REN: variants seen among roughly 807,000 people sequenced by gnomAD.
The protein encoded by REN is angiotensin-forming enzyme.
REN carries 42 observed loss-of-function variants against 48.6 expected under a neutral mutation model. The ratio of observed to expected loss-of-function variants is 0.86; its 90% CI spans 0.68 to 1.12. REN has a LOEUF of 1.12. REN is among the 50% of genes most tolerant of loss of function. The probability of loss-of-function intolerance (pLI) is 0.00; values close to 1 mark genes in which losing one functional copy is unlikely to be tolerated. For missense variants in REN, 443 were observed against 527.3 expected, an observed-to-expected ratio of 0.84 and a Z score of 1.57; for synonymous variants, 196 against 204.6, an observed-to-expected ratio of 0.96 and a Z score of 0.36.
Position 204,155,035 on chromosome 1 carries a change from C to T in REN, c.1202G>A (p.Gly401Asp). The change falls in exon 10 of 10, where the codon GGC (glycine) becomes GAC (aspartate). Residue 401 changes from glycine to aspartate, a missense_variant. Gly to Asp is a moderately conservative substitution (Grantham distance 94, BLOSUM62 -1). Coordinates refer to ENST00000272190, the MANE Select transcript of REN (RefSeq NM_000537.4). ...AGGGCCTCAGCGGGCCAAGGCGAAG[C>T]CAATGCGGTTGTTACGCCGATCAAA... The part of the protein sequence containing the change: ...TEFDRRNNRI[G>D]FALAR 6.2e-7 allele frequency: 1 copy of T among 1,614,080 alleles called. No homozygotes were observed. The highest frequency in any genetic ancestry group is 2.2e-5 in the East Asian group (1 of 44,884).
chr1:204,164,891 C>T (rs1658317053), intron 1 of REN, among the ~76,000 whole-genome samples: 1 of 152,040 alleles, frequency 6.6e-6, no homozygotes, highest in African/African-American at 2.4e-5. Flanking sequence ...TAATGAATCA[C>T]TTGTTCCCAC....
At chr1:204,160,787 T>C in intron 3 of REN, 109 bp from the exon 4 acceptor site, 1 of 822,600 alleles carries the variant, frequency 1.2e-6, no homozygotes, top group East Asian at 2.4e-5. Flanking sequence ...CAGGGATGAG[T>C]GGCCCTAGGG....
At position 204,156,431 on chromosome 1, in the gene REN, TG is replaced by T. The variant is rs1571644848; in HGVS notation, c.819-113del. The T allele has an allele frequency of 6.9e-7, 1 of 1,451,232 alleles. No individual in the cohort carries two copies. The highest frequency in any genetic ancestry group is 2.4e-5 in the East Asian group (1 of 41,462). 89.9% of individuals were successfully genotyped at this position (1,451,232 alleles called of 1,614,324 possible). On this transcript the variant is annotated intron_variant, in intron 7 of 9. Transcript: ENST00000272190. This position sits in a 1 kb window ranked among gnomAD's most constrained non-coding sequence, Gnocchi z 4.2. ...GTGGGTGGGTGGGTGGAGGCCACGC[TG>T]GTGGCCTGTTGAGGCAGTGAGTAGA...
At chr1:204,158,411 CTTTTTTTTTTTTT>C (rs576572389) in intron 5 of REN, among the ~76,000 whole-genome samples, 1 of 97,226 alleles carries the variant, frequency 1.0e-5, no homozygotes, top group South Asian at 3.4e-4. Context: ...ACCCTTGTGA[CTTTTTTTTTTTTT>C]TTTTTTTTTT....
At position 204,156,336 on chromosome 1, in the gene REN, T is replaced by TCAGACAGAGACAGA. The variant is rs1553304566; in HGVS notation, c.819-18_819-17insTCTGTCTCTGTCTG. ...ACAGACACCCTGGGGGAGGCCACAG[T>TCAGACAGAGACAGA]CAGACAGACAGACAGACAGACAGAC... On this transcript the variant is annotated splice_polypyrimidine_tract_variant and intron_variant, in intron 7 of 9. Transcript: ENST00000272190. The surrounding 1 kb of genome is among the most constrained non-coding windows in gnomAD (Gnocchi z 4.2). 6.3e-7 allele frequency: 1 copy of TCAGACAGAGACAGA among 1,581,288 alleles called. No individual in the cohort carries two copies. The highest frequency in any genetic ancestry group is 1.4e-5 in the African/African-American group (1 of 73,712).
In REN at chr1:204,159,510, A is replaced by G. The variant is rs1658206283; in HGVS notation, c.578T>C (p.Val193Ala). Residue 193 changes from valine to alanine, a missense_variant, in exon 5 of 10, where the codon GTT (valine) becomes GCT (alanine). By Grantham distance (64) the Val-to-Ala change is moderately conservative. Coordinates refer to ENST00000272190, the MANE Select transcript of REN (RefSeq NM_000537.4). ...LPFMLAEFDG[V>A]VGMGFIEQAI... is the part of the protein sequence containing the mutation. ...CTGTTCAATGAAGCCCATGCCCACA[A>G]CCCCATCAAACTCGGCCAGCATGAA... 6.2e-7 allele frequency: 1 copy of G among 1,613,860 alleles called. No individual in the cohort carries two copies. Among genetic ancestry groups the G allele is most frequent in the African/African-American group, 1.3e-5 (1 of 74,854 alleles).
At chr1:204,164,563 G>GTTTTTT (rs1658309910) in intron 1 of REN, among the ~76,000 whole-genome samples, 5 of 102,812 alleles carry the variant, frequency 4.9e-5, no homozygotes, top group East Asian at 4.1e-4. Context: ...CCCTTCTTCA[G>GTTTTTT]TCTTTTTTTT....
Position 204,156,225 on chromosome 1 carries a change from T to C in REN, c.913A>G (p.Ile305Val). 1 of 1,614,212 alleles carries C rather than the reference T, an allele frequency of 6.2e-7. No homozygotes were observed. The highest frequency in any genetic ancestry group is 8.5e-7 in the Non-Finnish European group (1 of 1,180,040). The change falls in exon 8 of 10, where the codon ATA (isoleucine) becomes GTA (valine). Residue 305 changes from isoleucine to valine, a missense_variant. By Grantham distance (29) the Ile-to-Val change is conservative (BLOSUM62 3). Coordinates refer to ENST00000272190, the MANE Select transcript of REN (RefSeq NM_000537.4). This position sits in a 1 kb window ranked among gnomAD's most constrained non-coding sequence, Gnocchi z 4.2. ...ASYISGSTSSIEKLMEALGAK... is the reference protein window; with the variant it reads ...ASYISGSTSSVEKLMEALGAK... ...CCCAAGGCCTCCATGAGCTTCTCTA[T>C]GGAGCTGGTAGAACCTGAGATGTAG...
At chr1:204,159,342 C>A in intron 5 of REN, 57 bp downstream of exon 5, 1 of 1,504,990 alleles carries the variant, frequency 6.6e-7, no homozygotes. Flanking sequence ...CCTTCCACTC[C>A]CCATCTCTTC....
At chr1:204,155,305 G>A (rs759543935) in intron 9 of REN, 128 bp from the exon 10 acceptor site, 3 of 1,076,774 alleles carry the variant, frequency 2.8e-6, no homozygotes, top group Non-Finnish European at 4.2e-6. Flanking sequence ...TAGCCACACT[G>A]GGCCTCCCTC....
rs753328645 is a variant in REN, at chr1:204,166,277, C to T, written c.17G>A (p.Arg6Lys). 4.5e-5 allele frequency: 72 copies of T among 1,614,122 alleles called. No individual in the cohort carries two copies. The highest frequency in any genetic ancestry group is 5.7e-5 in the Non-Finnish European group (67 of 1,180,050). The change falls in exon 1 of 10, where the codon AGG (arginine) becomes AAG (lysine). Residue 6 changes from arginine (R) to lysine (K), a missense_variant. By Grantham distance (26) the Arg-to-Lys change is conservative. Coordinates refer to ENST00000272190, the MANE Select transcript of REN (RefSeq NM_000537.4). Reference sequence around the variant, plus strand: ...CAGCAGCAGTCCCCAGCGAGGCATCCTTCTCCATCCATCCATGCTTCCCTC... The same window carrying T: ...CAGCAGCAGTCCCCAGCGAGGCATCTTTCTCCATCCATCCATGCTTCCCTC... MDGWR[R>K]MPRWGLLLLL...
chr1:204,157,255 C>A, intron 6 of REN, 106 bp downstream of exon 6: 1 of 1,459,436 alleles, frequency 6.9e-7, no homozygotes, highest in South Asian at 1.1e-5. Flanking sequence ...CTAGCGGAGG[C>A]TGGGCTTGCT....
chr1:204,162,503 T>C (rs11571080), intron 1 of REN, among the ~76,000 whole-genome samples: 59,884 of 152,114 alleles, frequency 0.39, 12,647 homozygotes, highest in African/African-American at 0.55. Context: ...CTCACTGTGC[T>C]GGACACTGGA....
intron 9 of REN, 109 bp downstream of exon 9, chr1:204,155,711 G>A (rs1047499703): frequency 3.3e-6 from 3 of 909,420 alleles, no homozygotes; most frequent in Non-Finnish European, 5.3e-6. Flanking sequence ...GCACAGCCAA[G>A]TTTGAGAACT....
At position 204,156,073 on chromosome 1, in the gene REN, G is replaced by A; in HGVS notation, c.960+105C>T. 1 of 1,551,198 alleles carries A rather than the reference G, an allele frequency of 6.4e-7. No individual in the cohort carries two copies. The highest frequency in any genetic ancestry group is 8.9e-7 in the Non-Finnish European group (1 of 1,125,102). ...GCCACATGTGTGGAGAGTGTGAGGT[G>A]AACAAGCGAAGGCCTGAGATGGCCT... On this transcript the variant is annotated intron_variant, in intron 8 of 9. Coordinates refer to ENST00000272190, the MANE Select transcript of REN (RefSeq NM_000537.4). This position sits in a 1 kb window ranked among gnomAD's most constrained non-coding sequence, Gnocchi z 4.2.
chr1:204,156,038 T>C lies in REN; in HGVS notation c.961-120A>G. 6.8e-7 allele frequency: 1 copy of C among 1,465,862 alleles called. No individual in the cohort carries two copies. 90.8% of individuals were successfully genotyped at this position (1,465,862 alleles called of 1,614,324 possible). A position where few individuals can be genotyped will look rare whatever the true frequency, so the allele number is the denominator to read the frequency against. On this transcript the variant is annotated intron_variant, in intron 8 of 9. Coordinates refer to ENST00000272190, the MANE Select transcript of REN (RefSeq NM_000537.4). This position sits in a 1 kb window ranked among gnomAD's most constrained non-coding sequence, Gnocchi z 4.2. ...GGGCTGGGGACAGTGCCCCGCCCCATGGGTGACCAGCCACATGTGTGGAGA... is the reference window on the plus strand; with the variant it reads ...GGGCTGGGGACAGTGCCCCGCCCCACGGGTGACCAGCCACATGTGTGGAGA...
rs3839003 is a variant in REN at position 204,156,336 on chromosome 1, T to TCAGA, written c.819-21_819-18dup. On this transcript the variant is annotated splice_polypyrimidine_tract_variant and intron_variant, in intron 7 of 9. Coordinates refer to ENST00000272190, the MANE Select transcript of REN (RefSeq NM_000537.4). This position sits in a 1 kb window ranked among gnomAD's most constrained non-coding sequence, Gnocchi z 4.2. ...ACAGACACCCTGGGGGAGGCCACAG[T>TCAGA]CAGACAGACAGACAGACAGACAGAC... 2,743 of 1,587,202 alleles carry TCAGA rather than the reference T, an allele frequency of 1.7e-3. 19 individuals carry two copies. In the African/African-American group the frequency reaches 0.022, roughly 13 times the overall value.
chr1:204,154,903 C>T lies in REN; in HGVS notation c.*113G>A. On this transcript the variant is annotated 3_prime_UTR_variant, in exon 10 of 10. Coordinates refer to ENST00000272190, the MANE Select transcript of REN (RefSeq NM_000537.4). ...TCAGGGCACGCATCCAGCAGGAGCTCCACATCCAATGTCTCCATCTGAGGG... is the reference window on the plus strand; with the variant it reads ...TCAGGGCACGCATCCAGCAGGAGCTTCACATCCAATGTCTCCATCTGAGGG... 7.9e-7 allele frequency: 1 copy of T among 1,265,056 alleles called. No individual in the cohort carries two copies. The highest frequency in any genetic ancestry group is 1.5e-5 in the African/African-American group (1 of 68,328). The allele number at this position is 1,265,056 out of a possible 1,614,324, so 78.4% of individuals were successfully genotyped here.
chr1:204,154,958 G>A lies in REN; in HGVS notation c.*58C>T, dbSNP rs1400262657. ...AGCCCAGGCAGAGGGGCATCTCAGA[G>A]AGTGTTCCAGCTCTGGGCCAGGGCT... On this transcript the variant is annotated 3_prime_UTR_variant, in exon 10 of 10. Coordinates refer to ENST00000272190, the MANE Select transcript of REN (RefSeq NM_000537.4). 6.3e-7 allele frequency: 1 copy of A among 1,593,794 alleles called. No homozygotes were observed. The highest frequency in any genetic ancestry group is 1.3e-5 in the African/African-American group (1 of 74,628).
Sources: gnomAD v4.1 joint callset for allele counts (sites outside exome capture counted in the v4.1 genomes callset) on GRCh38, gnomAD v4.1.1 for gene constraint, Gnocchi (gnomAD v3.1) non-coding constraint, MANE v1.5 for transcripts, NCBI Gene and HGNC (gene_info 2026-07-23, HGNC 2026-07-21) for gene names.